The following PTPRD variants were observed in gnomAD, a reference collection of about 807,000 sequenced individuals.
PTPRD encodes the protein protein tyrosine phosphatase receptor type D, also known as receptor-type tyrosine-protein phosphatase delta.
In PTPRD, 34 loss-of-function variants were observed where a neutral mutation model predicts 214.5. The ratio of observed to expected loss-of-function variants is 0.16; its 90% CI spans 0.12 to 0.21. The LOEUF (loss-of-function observed/expected upper bound fraction) is 0.21, where lower values mean the gene tolerates loss of function less well. Ranked by LOEUF, PTPRD falls within the 10% of genes least tolerant of loss-of-function variation. The pLI is 1.00. For synonymous variants in PTPRD, 1,128 were observed against 845.7 expected (o/e 1.33, Z -5.79); for missense variants, 2,545 against 2,398.7 (o/e 1.06, Z -1.27).
At chr9:10,292,070 A>G (rs1275856055) in intron 3 of PTPRD, among the ~76,000 whole-genome samples, 1 of 152,038 alleles carries the variant, frequency 6.6e-6, no homozygotes, top group Non-Finnish European at 1.5e-5. Flanking sequence ...TATATTATGA[A>G]AAGTTCTAAG....
intron 8 of PTPRD, among the ~76,000 whole-genome samples, chr9:9,557,629 T>C (rs1320045422): frequency 1.3e-5 from 2 of 152,224 alleles, no homozygotes; most frequent in Non-Finnish European, 2.9e-5. Context: ...GACTGCTACC[T>C]AGAGACTTCA....
chr9:8,339,148 TAATAA>T, intron 42 of PTPRD, 101 bp from the exon 43 acceptor site: 1 of 1,247,172 alleles, frequency 8.0e-7, no homozygotes, highest in Non-Finnish European at 1.1e-6. Context: ...CTTATCCCAT[TAATAA>T]AATTTCAAAA....
Position 8,767,181 on chromosome 9 carries a change from G to A in PTPRD, c.-103-33235C>T, listed in dbSNP as rs565322348. ...TGCCCAGGCTGGAATGCAATGGCAC[G>A]ATCTTGGCTCACCGCAACCTCCGCC... On this transcript the variant is annotated intron_variant, in intron 11 of 45. Transcript: ENST00000381196. 1.0e-3 allele frequency among the ~76,000 whole-genome samples: 158 copies of A among 151,966 alleles called. 1 individual carries two copies. The highest frequency in any genetic ancestry group is 3.6e-3 in the Admixed American group (55 of 15,232).
intron 2 of PTPRD, among the ~76,000 whole-genome samples, chr9:10,461,458 A>C (rs2098958044): frequency 6.6e-6 from 1 of 152,046 alleles, no homozygotes; most frequent in Non-Finnish European, 1.5e-5. Flanking sequence ...ATCAATGAAA[A>C]AATGGATGAA....
rs778063010 is a variant in PTPRD at position 9,714,827 on chromosome 9, G to C, written c.-287+19706C>G. 3.3e-5 allele frequency among the ~76,000 whole-genome samples: 5 copies of C among 152,126 alleles called. No individual in the cohort carries two copies. In the East Asian group the frequency reaches 9.6e-4, roughly 29 times the overall value. Reference sequence around the variant, plus strand: ...AGTTTGAGAAATATCATTTAGCAGGGTAGATGCTCAATATTCCTTTCCTTC... The same window carrying C: ...AGTTTGAGAAATATCATTTAGCAGGCTAGATGCTCAATATTCCTTTCCTTC... On this transcript the variant is annotated intron_variant, in intron 7 of 45. Transcript: ENST00000381196.
At chr9:8,917,204 C>T (rs988222570) in intron 11 of PTPRD, among the ~76,000 whole-genome samples, 2 of 150,740 alleles carry the variant, frequency 1.3e-5, no homozygotes, top group Non-Finnish European at 2.9e-5. Flanking sequence ...TCTCGGCTCG[C>T]TGCAACCTCT....
intron 11 of PTPRD, among the ~76,000 whole-genome samples, chr9:8,748,214 T>A (rs2093063703): frequency 6.6e-6 from 1 of 152,130 alleles, no homozygotes; most frequent in South Asian, 2.1e-4. Context: ...CAGGACTAGC[T>A]GGATTTCCTA....
chr9:10,512,814 G>A (rs2048740371), intron 2 of PTPRD, among the ~76,000 whole-genome samples: 1 of 152,020 alleles, frequency 6.6e-6, no homozygotes, highest in Admixed American at 6.6e-5. Flanking sequence ...AGGGTTTAGA[G>A]TATTAAAGTA....
chr9:8,348,295 C>T (rs2074429501), intron 39 of PTPRD, among the ~76,000 whole-genome samples: 1 of 152,092 alleles, frequency 6.6e-6, no homozygotes, highest in Admixed American at 6.6e-5. Flanking sequence ...TTTGATGCAT[C>T]TATTGGTTGG....
At chr9:9,843,576 A>G (rs2058814776) in intron 5 of PTPRD, among the ~76,000 whole-genome samples, 1 of 151,940 alleles carries the variant, frequency 6.6e-6, no homozygotes, top group Non-Finnish European at 1.5e-5. Flanking sequence ...AGTAAATGAT[A>G]AATGCCTCTC....
chr9:10,607,617 C>T (rs964950533), intron 2 of PTPRD, among the ~76,000 whole-genome samples: 5 of 151,744 alleles, frequency 3.3e-5, no homozygotes, highest in African/African-American at 4.8e-5. Context: ...CATAGAGATA[C>T]ATATCTACTT....
At chr9:8,729,400 AAACCTGGC>A (rs1246660053) in intron 12 of PTPRD, among the ~76,000 whole-genome samples, 1 of 151,978 alleles carries the variant, frequency 6.6e-6, no homozygotes, top group Non-Finnish European at 1.5e-5. Flanking sequence ...TGCTACAAGA[AAACCTGGC>A]TTATCCACCA....
intron 5 of PTPRD, among the ~76,000 whole-genome samples, chr9:9,902,224 C>T (rs7023313): frequency 0.95 from 144,698 of 152,218 alleles, 68,792 homozygotes; most frequent in East Asian, 1. Context: ...AATGTCTGTG[C>T]TCTCTATTTC....
At chr9:9,650,384 C>T (rs2096304766) in intron 7 of PTPRD, among the ~76,000 whole-genome samples, 2 of 152,248 alleles carry the variant, frequency 1.3e-5, no homozygotes, top group East Asian at 1.9e-4. Context: ...TACTGATTTG[C>T]TTATGTTGAA....
intron 26 of PTPRD, among the ~76,000 whole-genome samples, chr9:8,494,321 C>G (rs1219368865): frequency 6.6e-6 from 1 of 152,082 alleles, no homozygotes. Context: ...TCAAGAAGTT[C>G]AGATATCATC....
chr9:10,090,608 A>T (rs2098417372), intron 3 of PTPRD, among the ~76,000 whole-genome samples: 1 of 125,584 alleles, frequency 8.0e-6, no homozygotes, highest in South Asian at 2.4e-4. Flanking sequence ...CTTGCAGCCC[A>T]AAAGATTAAA....
rs1598969568 is a variant in PTPRD, at chr9:8,761,063, T to C, written c.-103-27117A>G. ...CACCAAGCTTTTTACATCTCATGTG[T>C]CAGCAGATGACTGTGGGATGAAGCT... On this transcript the variant is annotated intron_variant, in intron 11 of 45. Transcript: ENST00000381196. Among the ~76,000 whole-genome samples the C allele has an allele frequency of 1.3e-5, 2 of 152,340 alleles. 1 individual carries two copies. Among genetic ancestry groups the C allele is most frequent in the African/African-American group, 4.8e-5 (2 of 41,578 alleles).
chr9:9,573,126 A>G (rs1406839160), intron 8 of PTPRD, among the ~76,000 whole-genome samples: 1 of 151,760 alleles, frequency 6.6e-6, no homozygotes, highest in African/African-American at 2.4e-5. Context: ...GAAAGGGTTA[A>G]TAATTTGGTC....
chr9:10,051,643 T>C (rs1036226987), intron 3 of PTPRD, among the ~76,000 whole-genome samples: 1 of 151,770 alleles, frequency 6.6e-6, no homozygotes, highest in African/African-American at 2.4e-5. Context: ...ATGTTCCCCT[T>C]CCTGTGTCCA....
Sources: gnomAD v4.1 joint callset for allele counts (sites outside exome capture counted in the v4.1 genomes callset) on GRCh38, gnomAD v4.1.1 for gene constraint, MANE v1.5 for transcripts, NCBI Gene and HGNC (gene_info 2026-07-23, HGNC 2026-07-21) for gene names.